Variants in TCF7L1 observed in about 807,000 individuals in gnomAD.
TCF7L1 encodes the protein transcription factor 7-like 1.
Under a neutral mutation model 63.7 loss-of-function variants are expected in TCF7L1, and 18 were observed. The observed-to-expected ratio is 0.28, with a 90% CI of 0.20 to 0.42. The LOEUF (loss-of-function observed/expected upper bound fraction) is 0.42. Ranked by LOEUF, TCF7L1 falls within the 10% of genes least tolerant of loss-of-function variation. TCF7L1 has a pLI of 1.00. For synonymous variants in TCF7L1, 355 were observed against 340.9 expected, an observed-to-expected ratio of 1.04 and a Z score of -0.46; for missense variants, 654 against 779.3, an observed-to-expected ratio of 0.84 and a Z score of 1.91.
chr2:85,167,438 G>A (rs751843980), intron 3 of TCF7L1: 1 of 152,174 alleles, frequency 6.6e-6, no homozygotes, highest in East Asian at 1.9e-4. Context: ...TCAAAGAGAC[G>A]ATCTGTACCC....
intron 3 of TCF7L1, among the ~76,000 whole-genome samples, chr2:85,213,330 T>C (rs1220461273): frequency 6.6e-6 from 1 of 152,214 alleles, no homozygotes; most frequent in Non-Finnish European, 1.5e-5. Context: ...ATGAGACATA[T>C]TCCCTACAAA....
intron 3 of TCF7L1, among the ~76,000 whole-genome samples, chr2:85,229,015 T>C (rs10198011): frequency 0.85 from 113,867 of 133,588 alleles, 48,729 homozygotes; most frequent in African/African-American, 0.96. Context: ...AGAGAGACTC[T>C]GTCTCAAAAA....
In TCF7L1 at chr2:85,152,234, C is replaced by G. The variant is rs371006525; in HGVS notation, c.441+17784C>G. 4.6e-3 allele frequency among the ~76,000 whole-genome samples: 706 copies of G among 152,258 alleles called. 17 individuals carry two copies. In the South Asian group the frequency reaches 0.071, roughly 15 times the overall value. On this transcript the variant is annotated intron_variant, in intron 3 of 11. Coordinates refer to ENST00000282111, the MANE Select transcript of TCF7L1 (RefSeq NM_031283.3). The stretch of plus-strand genomic sequence containing the variant: ...TGGCCATTTCTAGAAGAAGCTCTGT[C>G]TTCTTTTAGTGGAGAATGTTACTTA...
At chr2:85,265,355 C>G (rs1680942547) in intron 3 of TCF7L1, among the ~76,000 whole-genome samples, 1 of 152,020 alleles carries the variant, frequency 6.6e-6, no homozygotes. Context: ...ATGGGGAACG[C>G]AGACAGGAAT....
chr2:85,198,873 A>G (rs1351947900), intron 3 of TCF7L1, among the ~76,000 whole-genome samples: 1 of 152,188 alleles, frequency 6.6e-6, no homozygotes, highest in Non-Finnish European at 1.5e-5. Flanking sequence ...AAATAAAAAG[A>G]AAAAAGAAAA....
chr2:85,147,101 T>C (rs1165835883), intron 3 of TCF7L1, among the ~76,000 whole-genome samples: 1 of 152,148 alleles, frequency 6.6e-6, no homozygotes, highest in Non-Finnish European at 1.5e-5. Flanking sequence ...ACCCAACTTC[T>C]CTGTATGTTT....
intron 3 of TCF7L1, among the ~76,000 whole-genome samples, chr2:85,262,905 C>T (rs1267324821): frequency 6.6e-6 from 1 of 152,206 alleles, no homozygotes; most frequent in African/African-American, 2.4e-5. Flanking sequence ...AGATACCCTA[C>T]CCCTACCCCA....
intron 3 of TCF7L1, among the ~76,000 whole-genome samples, chr2:85,248,316 T>G (rs1680514440): frequency 6.6e-6 from 1 of 152,162 alleles, no homozygotes; most frequent in African/African-American, 2.4e-5. Context: ...TCTGAAGAGA[T>G]TGTGTAAACG....
chr2:85,193,500 C>T (rs2098402471), intron 3 of TCF7L1, among the ~76,000 whole-genome samples: 1 of 152,028 alleles, frequency 6.6e-6, no homozygotes, highest in African/African-American at 2.4e-5. Flanking sequence ...GCCTAGGCAA[C>T]AAAGCGAGAC....
chr2:85,280,784 G>A (rs1440859378), intron 3 of TCF7L1, among the ~76,000 whole-genome samples: 3 of 152,120 alleles, frequency 2.0e-5, no homozygotes, highest in Non-Finnish European at 2.9e-5. Context: ...GACATGCATG[G>A]ACCCATTCTG....
At chr2:85,172,706 G>A (rs770143852) in intron 3 of TCF7L1, among the ~76,000 whole-genome samples, 40 of 152,274 alleles carry the variant, frequency 2.6e-4, no homozygotes, top group African/African-American at 8.9e-4. Context: ...ATTTATAGGC[G>A]TGAGCCACCG....
At chr2:85,241,684 A>T (rs1305639476) in intron 3 of TCF7L1, among the ~76,000 whole-genome samples, 1 of 151,952 alleles carries the variant, frequency 6.6e-6, no homozygotes, top group African/African-American at 2.4e-5. Context: ...ACCTCAGGTG[A>T]TCTGCCCACC....
chr2:85,215,985 G>A (rs1191450249), intron 3 of TCF7L1, among the ~76,000 whole-genome samples: 1 of 152,070 alleles, frequency 6.6e-6, no homozygotes, highest in Non-Finnish European at 1.5e-5. Flanking sequence ...GGGTTTTGAG[G>A]CCTCTGAAGA....
At chr2:85,247,164 C>T (rs62165591) in intron 3 of TCF7L1, among the ~76,000 whole-genome samples, 2 of 152,298 alleles carry the variant, frequency 1.3e-5, no homozygotes, top group Middle Eastern at 3.4e-3. Flanking sequence ...CTTAGAGAAA[C>T]TGGTGAAGTG....
At chr2:85,198,626 G>A (rs1382049010) in intron 3 of TCF7L1, among the ~76,000 whole-genome samples, 2 of 152,138 alleles carry the variant, frequency 1.3e-5, no homozygotes, top group East Asian at 3.9e-4. Context: ...GACCAACTTC[G>A]GCAGCTTTGG....
intron 5 of TCF7L1, among the ~76,000 whole-genome samples, chr2:85,302,996 G>A (rs1682022385): frequency 6.6e-6 from 1 of 152,188 alleles, no homozygotes; most frequent in South Asian, 2.1e-4. Context: ...AGCAGACACA[G>A]AAGTGCAACC....
intron 3 of TCF7L1, among the ~76,000 whole-genome samples, chr2:85,181,978 A>G (rs769099521): frequency 1.3e-5 from 2 of 152,122 alleles, no homozygotes; most frequent in African/African-American, 4.8e-5. Flanking sequence ...CTGAAACCTT[A>G]TGGGGCGGGC....
intron 3 of TCF7L1, among the ~76,000 whole-genome samples, chr2:85,230,049 T>C (rs2104311143): frequency 6.6e-6 from 1 of 152,344 alleles, no homozygotes; most frequent in East Asian, 1.9e-4. Flanking sequence ...CTGCCAGACC[T>C]TTCTTCTGGC....
intron 3 of TCF7L1, among the ~76,000 whole-genome samples, chr2:85,135,752 A>G (rs951255416): frequency 6.6e-6 from 1 of 151,018 alleles, no homozygotes; most frequent in African/African-American, 2.4e-5. Flanking sequence ...GGGGAGTGGG[A>G]CTACACAGAC....
Sources: allele counts gnomAD v4.1 joint callset (sites outside exome capture counted in the v4.1 genomes callset), GRCh38; gene constraint gnomAD v4.1.1; transcripts MANE v1.5; gene names NCBI Gene and HGNC (gene_info 2026-07-23, HGNC 2026-07-21).